The following RPN1 variants were observed in gnomAD, a reference collection of about 807,000 sequenced individuals.
The protein encoded by RPN1 is ribophorin I, also known as dolichyl-diphosphooligosaccharide--protein glycosyltransferase subunit 1.
A neutral mutation model predicts 55.5 loss-of-function variants in RPN1; 12 were observed. The observed-to-expected ratio is 0.22, with a 90% CI of 0.14 to 0.35. The LOEUF (loss-of-function observed/expected upper bound fraction) is 0.35. RPN1 is among the 10% of genes least tolerant of loss of function. The pLI is 1.00. For synonymous variants in RPN1, 317 were observed against 305.9 expected (o/e 1.04, Z -0.38); for missense variants, 679 against 761.3 (o/e 0.89, Z 1.27).
intron 5 of RPN1, among the ~76,000 whole-genome samples, chr3:128,628,573 T>C (rs1429192717): frequency 6.7e-6 from 1 of 149,254 alleles, no homozygotes; most frequent in Non-Finnish European, 1.5e-5. Flanking sequence ...AGCCAGATAA[T>C]TTTTCATTTT....
intron 4 of RPN1, among the ~76,000 whole-genome samples, chr3:128,631,113 CAAA>C (rs748306017): frequency 1.0e-5 from 1 of 97,686 alleles, no homozygotes; most frequent in Non-Finnish European, 2.1e-5. Flanking sequence ...ACTCTGTCTC[CAAA>C]AAAAAAAAAA....
At chr3:128,635,035 A>G (rs1031503984) in intron 3 of RPN1, among the ~76,000 whole-genome samples, 1 of 152,168 alleles carries the variant, frequency 6.6e-6, no homozygotes, top group African/African-American at 2.4e-5. Flanking sequence ...CAGAGTGGCA[A>G]GGCTGTCATC....
In RPN1 at chr3:128,625,665, AAG is replaced by A. The variant is rs563261644; in HGVS notation, c.1276-14_1276-13del. Reference sequence around the variant, plus strand: ...AACGTGTAGTGGACCTGGGAGAAGCAAGAGGACAGGCTTCATCGGGGCTGTAG... The same window carrying A: ...AACGTGTAGTGGACCTGGGAGAAGCAAGGACAGGCTTCATCGGGGCTGTAG... On this transcript the variant is annotated splice_polypyrimidine_tract_variant and intron_variant, in intron 7 of 9. Coordinates refer to ENST00000296255, the MANE Select transcript of RPN1 (RefSeq NM_002950.4). 1.2e-3 allele frequency: 1,996 copies of A among 1,613,952 alleles called. 5 individuals carry two copies. Among genetic ancestry groups the A allele is most frequent in the Non-Finnish European group, 1.5e-3 (1,775 of 1,180,018 alleles).
intron 3 of RPN1, among the ~76,000 whole-genome samples, chr3:128,635,773 TATATATAA>T (rs2069677513): frequency 6.7e-6 from 1 of 150,040 alleles, no homozygotes; most frequent in Non-Finnish European, 1.5e-5. Context: ...CGTGTGTGTA[TATATATAA>T]ATATATAAGT....
chr3:128,622,528 A>G, intron 8 of RPN1, 119 bp from the exon 9 acceptor site: 2 of 1,251,896 alleles, frequency 1.6e-6, no homozygotes, highest in Non-Finnish European at 2.2e-6. Context: ...ACCTTCTTGG[A>G]AAGTCAAAGT....
intron 3 of RPN1, among the ~76,000 whole-genome samples, chr3:128,636,454 C>G (rs917825751): frequency 1.4e-5 from 2 of 144,546 alleles, no homozygotes; most frequent in African/African-American, 2.6e-5. Context: ...GATCAAGACT[C>G]CTTCTCAAAA....
chr3:128,638,144 A>C (rs1175542825), intron 2 of RPN1, 39 bp from the exon 3 acceptor site: 3 of 1,505,570 alleles, frequency 2.0e-6, no homozygotes, highest in African/African-American at 2.8e-5. Flanking sequence ...AGAGAGACTG[A>C]GGATACTGAA....
At chr3:128,649,608 TTAGG>T (rs1195567769) in intron 1 of RPN1, among the ~76,000 whole-genome samples, 2 of 152,190 alleles carry the variant, frequency 1.3e-5, no homozygotes, top group African/African-American at 4.8e-5. Flanking sequence ...CAACAAATAA[TTAGG>T]TAATCATTTA....
chr3:128,646,996 A>G (rs1313867632), intron 1 of RPN1, among the ~76,000 whole-genome samples: 1 of 151,822 alleles, frequency 6.6e-6, no homozygotes, highest in Non-Finnish European at 1.5e-5. Flanking sequence ...AATGGTTAAC[A>G]GTGGCAAAAT....
intron 1 of RPN1, among the ~76,000 whole-genome samples, chr3:128,645,892 G>A (rs2069763211): frequency 6.6e-6 from 1 of 152,058 alleles, no homozygotes; most frequent in Non-Finnish European, 1.5e-5. Flanking sequence ...CTTTCTTGAT[G>A]CTTTTCTCAT....
chr3:128,623,509 G>A (rs2069575381), intron 8 of RPN1, among the ~76,000 whole-genome samples: 1 of 152,042 alleles, frequency 6.6e-6, no homozygotes, highest in Admixed American at 6.6e-5. Flanking sequence ...CTGCACTCCA[G>A]CCTGGGTAAC....
intron 8 of RPN1, among the ~76,000 whole-genome samples, chr3:128,624,111 C>T (rs947487582): frequency 6.6e-6 from 1 of 152,018 alleles, no homozygotes; most frequent in Non-Finnish European, 1.5e-5. Context: ...CCCAAGTATA[C>T]AAAAAGTCAG....
At chr3:128,625,296 C>A (rs1296940822) in intron 8 of RPN1, among the ~76,000 whole-genome samples, 3 of 152,146 alleles carry the variant, frequency 2.0e-5, no homozygotes, top group Admixed American at 6.5e-5. Context: ...CCTACCTCAA[C>A]TGAGCATCCA....
intron 6 of RPN1, 40 bp from the exon 7 acceptor site, chr3:128,626,052 T>TAC (rs771405416): frequency 6.4e-7 from 1 of 1,553,314 alleles, no homozygotes; most frequent in Non-Finnish European, 8.7e-7. Context: ...TCCAACCAAC[T>TAC]ACATCAATAA....
In RPN1 at chr3:128,626,676, A is replaced by G. The variant is rs2069602001; in HGVS notation, c.1136+57T>C. On this transcript the variant is annotated intron_variant, in intron 6 of 9. Transcript: ENST00000296255. ...CTAGAACATAGGCTCTCCTTAGGGTACCACAAGGGTACAACCAGAGAAATC... is the reference window on the plus strand; with the variant it reads ...CTAGAACATAGGCTCTCCTTAGGGTGCCACAAGGGTACAACCAGAGAAATC... 3 of 1,468,826 alleles carry G rather than the reference A, an allele frequency of 2.0e-6. No homozygotes were observed. The Admixed American group carries it at 5.0e-5, about 25-fold the overall frequency. 91.0% of individuals were successfully genotyped at this position (1,468,826 alleles called of 1,614,324 possible).
intron 8 of RPN1, among the ~76,000 whole-genome samples, chr3:128,624,096 T>C (rs1442866422): frequency 6.6e-6 from 1 of 152,090 alleles, no homozygotes; most frequent in Non-Finnish European, 1.5e-5. Context: ...GTCAGCCCTG[T>C]GAAACCCAAG....
chr3:128,650,479 C>G, intron 1 of RPN1, 61 bp downstream of exon 1: 1 of 1,464,486 alleles, frequency 6.8e-7, no homozygotes, highest in Non-Finnish European at 9.1e-7. Context: ...AGTCGGGGGA[C>G]CGCCAGGAAG....
rs747792036 is a variant in RPN1 at position 128,630,177 on chromosome 3, C to A, written c.844-34G>T. ...GAGTGGATATGCCCTTCTAAAACTC[C>A]AGGAACCAGCTGAGAGGAAATGATC... On this transcript the variant is annotated intron_variant, in intron 4 of 9. Transcript: ENST00000296255. 10 of 1,466,048 alleles carry A rather than the reference C, an allele frequency of 6.8e-6. No individual in the cohort carries two copies. In the Admixed American group the frequency reaches 1.3e-4, roughly 18 times the overall value. 90.8% of individuals were successfully genotyped at this position (1,466,048 alleles called of 1,614,324 possible). A position where few individuals can be genotyped will look rare whatever the true frequency, so the allele number is the denominator to read the frequency against.
chr3:128,632,236 CA>C, intron 3 of RPN1, 79 bp from the exon 4 acceptor site: 1 of 1,296,990 alleles, frequency 7.7e-7, no homozygotes, highest in Non-Finnish European at 1.1e-6. Flanking sequence ...TGATTGGAGA[CA>C]ACCTATATAT....
Sources: gnomAD v4.1 joint callset for allele counts (sites outside exome capture counted in the v4.1 genomes callset) on GRCh38, gnomAD v4.1.1 for gene constraint, MANE v1.5 for transcripts, NCBI Gene and HGNC (gene_info 2026-07-23, HGNC 2026-07-21) for gene names.